ASS1: variants seen among roughly 807,000 people sequenced by gnomAD.
The protein encoded by ASS1 is argininosuccinate synthase 1.
In ASS1, 58 loss-of-function variants were observed where a neutral mutation model predicts 60.5. The observed-to-expected ratio is 0.96, with a 90% confidence interval of 0.78 to 1.19. The LOEUF is 1.19. Ranked by LOEUF, ASS1 falls within the 50% of genes most tolerant of loss-of-function variation. ASS1 has a pLI of 0.00. For synonymous variants in ASS1, 200 were observed against 206.9 expected, an observed-to-expected ratio of 0.97 and a Z score of 0.29; for missense variants, 454 against 547.3, an observed-to-expected ratio of 0.83 and a Z score of 1.70.
chr9:130,489,228 G>A lies in ASS1; in HGVS notation c.839-105G>A, dbSNP rs575834737. 47 of 1,487,440 alleles carry A rather than the reference G, an allele frequency of 3.2e-5. No homozygotes were observed. Among genetic ancestry groups the A allele is most frequent in the African/African-American group, 7.0e-5 (5 of 71,188 alleles). The allele number at this position is 1,487,440 out of a possible 1,614,324, so 92.1% of individuals were successfully genotyped here. A position where few individuals can be genotyped will look rare whatever the true frequency, so the allele number is the denominator to read the frequency against. ...CCGGCCGGCTTGTCTCCTGTCAGACGACTCATTATTATTATTATTTTTTTT... is the reference window on the plus strand; with the variant it reads ...CCGGCCGGCTTGTCTCCTGTCAGACAACTCATTATTATTATTATTTTTTTT... On this transcript the variant is annotated intron_variant, in intron 11 of 14. Transcript: ENST00000352480. The surrounding 1 kb of genome is among the most constrained non-coding windows in gnomAD (Gnocchi z 4.1).
intron 4 of ASS1, among the ~76,000 whole-genome samples, chr9:130,461,203 T>C (rs908372513): frequency 3.2e-5 from 3 of 95,008 alleles, no homozygotes; most frequent in African/African-American, 4.5e-5. Flanking sequence ...GTGGAGTGCA[T>C]GGGTGGGTGG....
intron 12 of ASS1, among the ~76,000 whole-genome samples, chr9:130,492,763 G>A (rs926682604): frequency 2.0e-5 from 3 of 152,204 alleles, no homozygotes; most frequent in Non-Finnish European, 4.4e-5. Flanking sequence ...GTTTGGCTGG[G>A]CCTAGCAGCA....
intron 5 of ASS1, among the ~76,000 whole-genome samples, chr9:130,464,822 G>T (rs1220049096): frequency 6.6e-6 from 1 of 151,768 alleles, no homozygotes; most frequent in South Asian, 2.1e-4. Flanking sequence ...TGATGGACAC[G>T]TTCCTTCCTT....
intron 3 of ASS1, among the ~76,000 whole-genome samples, chr9:130,454,609 C>T (rs1845397619): frequency 6.6e-6 from 1 of 152,146 alleles, no homozygotes; most frequent in African/African-American, 2.4e-5. Context: ...ACCCACATAC[C>T]TTCCCTTCTC....
At chr9:130,472,989 G>A (rs1588489120) in intron 8 of ASS1, among the ~76,000 whole-genome samples, 1 of 152,136 alleles carries the variant, frequency 6.6e-6, no homozygotes, top group African/African-American at 2.4e-5. Context: ...TCACCCCCTC[G>A]GACCGTGCAG....
chr9:130,459,995 G>A lies in ASS1; in HGVS notation c.363+1406G>A, dbSNP rs1202181638. On this transcript the variant is annotated intron_variant, in intron 4 of 14. Coordinates refer to ENST00000352480, the MANE Select transcript of ASS1 (RefSeq NM_054012.4). This position sits in a 1 kb window ranked among gnomAD's most constrained non-coding sequence, Gnocchi z 4.6. ...AACTGTCAGCCGATGTTTTTATAAAGACCCAAGTCATGAGCTCTCAGTCAG... is the reference window on the plus strand; with the variant it reads ...AACTGTCAGCCGATGTTTTTATAAAAACCCAAGTCATGAGCTCTCAGTCAG... Among the ~76,000 whole-genome samples, 1 of 152,214 alleles carries A rather than the reference G, an allele frequency of 6.6e-6. No homozygotes were observed. The highest frequency in any genetic ancestry group is 1.5e-5 in the Non-Finnish European group (1 of 68,044).
upstream of ASS1, among the ~76,000 whole-genome samples, chr9:130,444,768 G>A (rs886063526): frequency 1.3e-5 from 2 of 151,890 alleles, no homozygotes; most frequent in Non-Finnish European, 2.9e-5. This position sits in a 1 kb window ranked among gnomAD's most constrained non-coding sequence, Gnocchi z 4.7. Context: ...GGTGGGAGGC[G>A]GGGGGAGGTG....
rs1463183357 is a variant in ASS1 at position 130,476,543 on chromosome 9, C to T, written c.598-328C>T. 2.3e-5 allele frequency: 11 copies of T among 470,926 alleles called. No homozygotes were observed. Among genetic ancestry groups the T allele is most frequent in the Non-Finnish European group, 3.1e-5 (8 of 256,082 alleles). The allele number at this position is 470,926 out of a possible 1,614,324, so 29.2% of individuals were successfully genotyped here. A position where few individuals can be genotyped will look rare whatever the true frequency, so the allele number is the denominator to read the frequency against. ...TGCCGCTCCTGGGAAGCCCTCGGAA[C>T]GCCGCCTTGCTCCTCCAAAGTCACA... On this transcript the variant is annotated intron_variant, in intron 8 of 14. Coordinates refer to ENST00000352480, the MANE Select transcript of ASS1 (RefSeq NM_054012.4). This position sits in a 1 kb window ranked among gnomAD's most constrained non-coding sequence, Gnocchi z 4.9.
At position 130,491,340 on chromosome 9, in the gene ASS1, C is replaced by T. The variant is rs564414957; in HGVS notation, c.970+1876C>T. Among the ~76,000 whole-genome samples the T allele has an allele frequency of 7.2e-4, 110 of 152,298 alleles. No individual in the cohort carries two copies. Among genetic ancestry groups the T allele is most frequent in the Non-Finnish European group, 1.1e-3 (76 of 68,028 alleles). On this transcript the variant is annotated intron_variant, in intron 12 of 14. Transcript: ENST00000352480. The surrounding 1 kb of genome is among the most constrained non-coding windows in gnomAD (Gnocchi z 5.3). ...ACCTGGCCGGGCTGCTCCGGGGCCTCCACGGAGGCTGATCCCACCGTGGCC... is the reference window on the plus strand; with the variant it reads ...ACCTGGCCGGGCTGCTCCGGGGCCTTCACGGAGGCTGATCCCACCGTGGCC...
intron 13 of ASS1, among the ~76,000 whole-genome samples, chr9:130,495,369 G>T (rs1268001476): frequency 1.3e-5 from 2 of 151,776 alleles, no homozygotes; most frequent in Non-Finnish European, 2.9e-5. Flanking sequence ...GATTGCTTGA[G>T]CCCAGGAGTT....
intron 4 of ASS1, among the ~76,000 whole-genome samples, chr9:130,463,765 G>A (rs930034677): frequency 6.6e-5 from 10 of 152,172 alleles, no homozygotes; most frequent in Non-Finnish European, 1.5e-5. Context: ...GCAATGTGGG[G>A]GCCTTGAGGA....
At chr9:130,446,662 C>T (rs1845203649) in intron 1 of ASS1, among the ~76,000 whole-genome samples, 1 of 152,220 alleles carries the variant, frequency 6.6e-6, no homozygotes, top group Non-Finnish European at 1.5e-5. Flanking sequence ...CCGCAGGAGC[C>T]TTGGGGTGGA....
Position 130,478,243 on chromosome 9 carries a change from C to A in ASS1, c.688+1282C>A, listed in dbSNP as rs1030782941. Among the ~76,000 whole-genome samples, 1 of 152,242 alleles carries A rather than the reference C, an allele frequency of 6.6e-6. No individual in the cohort carries two copies. Among genetic ancestry groups the A allele is most frequent in the Admixed American group, 6.5e-5 (1 of 15,288 alleles). ...GAGGACCCCAAAGGCAGCCGGGCCC[C>A]CAGGCCTGTTTGCAGGCACAGAGCC... On this transcript the variant is annotated intron_variant, in intron 9 of 14. Transcript: ENST00000352480. The surrounding 1 kb of genome is among the most constrained non-coding windows in gnomAD (Gnocchi z 4.7).
chr9:130,463,789 C>A (rs116039396), intron 4 of ASS1, among the ~76,000 whole-genome samples: 1 of 152,142 alleles, frequency 6.6e-6, no homozygotes, highest in South Asian at 2.1e-4. Context: ...GACTATAGTG[C>A]GAGCTCTGGG....
Position 130,489,353 on chromosome 9 carries a change from G to A in ASS1, c.859G>A (p.Gly287Ser), listed in dbSNP as rs1237139147. The stretch of plus-strand genomic sequence containing the variant: ...GCTAGGTATCTACGAGACCCCAGCA[G>A]GCACCATCCTTTACCATGCTCATTT... Reference protein sequence around the residue: ...KSRGIYETPAGTILYHAHLDI... With the variant: ...KSRGIYETPASTILYHAHLDI... Residue 287 changes from glycine (G) to serine (S), a missense_variant, in exon 12 of 15, where the codon GGC (glycine) becomes AGC (serine). Physicochemically the swap from Gly to Ser is moderately conservative, Grantham distance 56. Coordinates refer to ENST00000352480, the MANE Select transcript of ASS1 (RefSeq NM_054012.4). The surrounding 1 kb of genome is among the most constrained non-coding windows in gnomAD (Gnocchi z 4.1). The A allele has an allele frequency of 6.2e-7, 1 of 1,613,786 alleles. No individual in the cohort carries two copies. Among genetic ancestry groups the A allele is most frequent in the Non-Finnish European group, 8.5e-7 (1 of 1,179,976 alleles).
intron 11 of ASS1, 63 bp downstream of exon 11, chr9:130,480,512 G>A (rs1335312947): frequency 1.3e-6 from 2 of 1,575,472 alleles, no homozygotes; most frequent in African/African-American, 2.7e-5. Flanking sequence ...AGATCCCTGA[G>A]ACCCTGTCCC....
chr9:130,458,295 G>C lies in ASS1; in HGVS notation c.175-106G>C, dbSNP rs868854847. On this transcript the variant is annotated intron_variant, in intron 3 of 14. Transcript: ENST00000352480. ...AGAAGAAGAAGCACCAGGTACAGCGGGGGTGGCCCCGTATAGGTCTCAGCT... is the reference window on the plus strand; with the variant it reads ...AGAAGAAGAAGCACCAGGTACAGCGCGGGTGGCCCCGTATAGGTCTCAGCT... 2.3e-6 allele frequency: 3 copies of C among 1,281,312 alleles called. No individual in the cohort carries two copies. In the Admixed American group the frequency reaches 5.1e-5, roughly 22 times the overall value. The allele number at this position is 1,281,312 out of a possible 1,614,324, so 79.4% of individuals were successfully genotyped here.
At chr9:130,455,612 G>C (rs1564902740) in intron 3 of ASS1, among the ~76,000 whole-genome samples, 1 of 152,366 alleles carries the variant, frequency 6.6e-6, no homozygotes, top group South Asian at 2.1e-4. Flanking sequence ...ATCTAGGCAT[G>C]TGGCAGGCAG....
intron 11 of ASS1, among the ~76,000 whole-genome samples, chr9:130,484,603 T>TC (rs1476824180): frequency 2.0e-5 from 3 of 152,280 alleles, no homozygotes; most frequent in East Asian, 3.9e-4. Context: ...CGTTGTCTCT[T>TC]CCACGGCAAC....
Sources: gnomAD v4.1 joint callset for allele counts (sites outside exome capture counted in the v4.1 genomes callset) on GRCh38, gnomAD v4.1.1 for gene constraint, Gnocchi (gnomAD v3.1) non-coding constraint, MANE v1.5 for transcripts, NCBI Gene and HGNC (gene_info 2026-07-23, HGNC 2026-07-21) for gene names.